Variants in MAST4 observed in about 807,000 individuals in gnomAD.
MAST4 encodes the protein microtubule associated serine/threonine kinase family member 4, also known as microtubule-associated serine/threonine-protein kinase 4.
MAST4 carries 89 observed loss-of-function variants against 162.7 expected under a neutral mutation model. The observed-to-expected ratio is 0.55, with a 90% confidence interval of 0.46 to 0.65. The LOEUF (loss-of-function observed/expected upper bound fraction) is 0.65, where lower values mean the gene tolerates loss of function less well. Among genes scored for constraint, MAST4 ranks in the 30% least tolerant of loss-of-function variants. The probability of loss-of-function intolerance (pLI) is 0.00; values close to 1 mark genes in which losing one functional copy is unlikely to be tolerated. For synonymous variants in MAST4, 1,479 were observed against 1,361.1 expected, an observed-to-expected ratio of 1.09 and a Z score of -1.91; for missense variants, 3,153 against 3,374.0, an observed-to-expected ratio of 0.93 and a Z score of 1.62.
chr5:66,696,829 A>G (rs1376526954), intron 1 of MAST4, among the ~76,000 whole-genome samples: 1 of 152,216 alleles, frequency 6.6e-6, no homozygotes. Context: ...AGTGTCCAAC[A>G]ACAGTACTAG....
At chr5:66,938,963 G>A (rs1405663164) in intron 4 of MAST4, among the ~76,000 whole-genome samples, 1 of 152,124 alleles carries the variant, frequency 6.6e-6, no homozygotes, top group Non-Finnish European at 1.5e-5. Flanking sequence ...TATAATACCT[G>A]ATAATTAAAA....
intron 21 of MAST4, chr5:67,142,743 T>C: frequency 4.4e-6 from 2 of 450,158 alleles, no homozygotes; most frequent in Non-Finnish European, 7.9e-6. Context: ...ACCTTCTCTC[T>C]TTCCTGTGAG....
intron 1 of MAST4, among the ~76,000 whole-genome samples, chr5:66,635,944 C>CTTTTT (rs1487534344): frequency 1.1e-5 from 1 of 88,184 alleles, no homozygotes; most frequent in African/African-American, 4.6e-5. Flanking sequence ...AAGATAGAGA[C>CTTTTT]TGTTTTTTTT....
rs771531932 is a variant in MAST4, at chr5:67,163,115, G to GT, written c.3968-32_3968-31insT. On this transcript the variant is annotated intron_variant, in intron 28 of 28. Coordinates refer to ENST00000403625, the MANE Select transcript of MAST4 (RefSeq NM_001164664.2). This position sits in a 1 kb window ranked among gnomAD's most constrained non-coding sequence, Gnocchi z 7.0. ...TGAAAAAAAGGGGAAAATGACCATG[G>GT]ATGCTCACAGCCTTCTGTTTTCCAT... The GT allele has an allele frequency of 3.8e-6, 6 of 1,573,958 alleles. No homozygotes were observed. In the South Asian group the frequency reaches 6.9e-5, roughly 18 times the overall value.
intron 1 of MAST4, among the ~76,000 whole-genome samples, chr5:66,613,026 C>CAAA (rs1743394863): frequency 6.6e-6 from 1 of 152,112 alleles, no homozygotes; most frequent in Admixed American, 6.5e-5. Flanking sequence ...ATCAAGAGTA[C>CAAA]TGTTTCTTTA....
chr5:66,689,114 CCT>C (rs1491358216), intron 1 of MAST4, among the ~76,000 whole-genome samples: 1 of 61,792 alleles, frequency 1.6e-5, no homozygotes, highest in East Asian at 8.6e-4. Context: ...TTAAACAGTT[CCT>C]TTTTTTTTTT....
chr5:66,776,530 T>G (rs986203713), intron 2 of MAST4, among the ~76,000 whole-genome samples: 4 of 152,240 alleles, frequency 2.6e-5, no homozygotes, highest in Non-Finnish European at 5.9e-5. Flanking sequence ...GTCTTCTCCA[T>G]ATCAAGTTTA....
In MAST4 at chr5:67,167,512, G is replaced by A. The variant is rs1228228610; in HGVS notation, c.*461G>A. The A allele has an allele frequency of 6.5e-6, 1 of 152,700 alleles. No individual in the cohort carries two copies. The highest frequency in any genetic ancestry group is 2.4e-5 in the African/African-American group (1 of 41,442). The allele number at this position is 152,700 out of a possible 1,614,324, so 9.5% of individuals were successfully genotyped here. A position where few individuals can be genotyped will look rare whatever the true frequency, so the allele number is the denominator to read the frequency against. ...TGTGAACAGAGATACACCCATATTC[G>A]TGTATATACACATCCACCTACATGT... On this transcript the variant is annotated 3_prime_UTR_variant, in exon 29 of 29. Transcript: ENST00000403625.
intron 3 of MAST4, among the ~76,000 whole-genome samples, chr5:66,865,181 C>T (rs1490546871): frequency 6.6e-6 from 1 of 152,150 alleles, no homozygotes; most frequent in East Asian, 1.9e-4. Context: ...TGTCAAGGGA[C>T]GTGTGAAATT....
chr5:66,668,766 T>G (rs895769223), intron 1 of MAST4, among the ~76,000 whole-genome samples: 19 of 152,250 alleles, frequency 1.2e-4, no homozygotes, highest in Non-Finnish European at 1.5e-5. Flanking sequence ...TCAAGAGAAC[T>G]GTCCATGTTT....
chr5:67,155,736 G>A (rs1021473778), intron 26 of MAST4, among the ~76,000 whole-genome samples: 4 of 152,074 alleles, frequency 2.6e-5, no homozygotes, highest in Non-Finnish European at 4.4e-5. Flanking sequence ...GCACAGAGCT[G>A]ATGTGCAAAA....
At chr5:66,951,632 G>GTA (rs1409525063) in intron 4 of MAST4, among the ~76,000 whole-genome samples, 1,755 of 133,558 alleles carry the variant, frequency 0.013, 28 homozygotes, top group African/African-American at 0.045. Flanking sequence ...GTGTGTGTGT[G>GTA]TGTGTGTGTG....
intron 4 of MAST4, chr5:66,917,498 C>T (rs1289892323): frequency 6.6e-6 from 1 of 151,966 alleles, no homozygotes; most frequent in Non-Finnish European, 1.5e-5. Context: ...ACCCCAAGGT[C>T]ATGCAGATAT....
intron 1 of MAST4, among the ~76,000 whole-genome samples, chr5:66,753,863 G>A (rs1363914528): frequency 2.0e-5 from 3 of 150,704 alleles, no homozygotes; most frequent in Admixed American, 6.6e-5. Flanking sequence ...GAGAATTTTA[G>A]ACCAATATCC....
chr5:66,700,451 G>C (rs536318840), intron 1 of MAST4, among the ~76,000 whole-genome samples: 1 of 151,896 alleles, frequency 6.6e-6, no homozygotes, highest in Admixed American at 6.6e-5. Flanking sequence ...GTCAGAACTG[G>C]TGGGTGGATC....
intron 1 of MAST4, among the ~76,000 whole-genome samples, chr5:66,721,229 C>T (rs558927536): frequency 6.6e-6 from 1 of 152,258 alleles, no homozygotes; most frequent in South Asian, 2.1e-4. Flanking sequence ...CTCTGCTGTG[C>T]AGTCAGATTC....
Position 66,596,887 on chromosome 5 carries a change from C to G in MAST4, c.232C>G (p.Pro78Ala), listed in dbSNP as rs1579945815. ...GGGAGGCACCCTGGGCGCCCGGGCG[C>G]CCGCCGCGTGGGCTCCGGCAAGCGT... ...PLGGTLGARA[P>A]AAWAPASVLL... Residue 78 changes from proline to alanine, a missense_variant, in exon 1 of 29, where the codon CCC (proline) becomes GCC (alanine). Around this residue, in one of 7 missense-constraint regions of MAST4, gnomAD observed 327 missense variants for 336.5 expected, o/e 0.97. Transcript: ENST00000403625. The G allele has an allele frequency of 7.7e-7, 1 of 1,295,440 alleles. No homozygotes were observed. Among genetic ancestry groups the G allele is most frequent in the Middle Eastern group, 2.9e-4 (1 of 3,486 alleles). The allele number at this position is 1,295,440 out of a possible 1,614,324, so 80.2% of individuals were successfully genotyped here.
intron 4 of MAST4, among the ~76,000 whole-genome samples, chr5:66,995,619 T>C (rs1048396715): frequency 1.3e-5 from 2 of 152,164 alleles, no homozygotes; most frequent in African/African-American, 2.4e-5. Context: ...GCCAGGATGG[T>C]CTCAATCTCT....
intron 4 of MAST4, among the ~76,000 whole-genome samples, chr5:67,029,373 T>C (rs147751362): frequency 1.3e-5 from 2 of 152,280 alleles, no homozygotes; most frequent in East Asian, 3.9e-4. Flanking sequence ...CTTATACTTA[T>C]GTTTCCCATA....
Sources: gnomAD v4.1 joint callset for allele counts (sites outside exome capture counted in the v4.1 genomes callset) on GRCh38, gnomAD v4.1.1 for gene constraint, gnomAD v4.1.1 regional missense constraint, Gnocchi (gnomAD v3.1) non-coding constraint, MANE v1.5 for transcripts, NCBI Gene and HGNC (gene_info 2026-07-23, HGNC 2026-07-21) for gene names.